The following THSD7B variants were observed in gnomAD, a reference collection of about 807,000 sequenced individuals.
THSD7B encodes the protein thrombospondin type 1 domain containing 7B, also known as thrombospondin type-1 domain-containing protein 7B.
Under a neutral mutation model 213.6 loss-of-function variants are expected in THSD7B, and 138 were observed. That is an observed-to-expected ratio of 0.65 (90% confidence interval 0.56 to 0.74). The LOEUF (loss-of-function observed/expected upper bound fraction) is 0.74, where lower values mean the gene tolerates loss of function less well. THSD7B is among the 30% of genes least tolerant of loss of function. THSD7B has a pLI of 0.00. For missense variants in THSD7B, 1,931 were observed against 1,991.5 expected (o/e 0.97, Z 0.58); for synonymous variants, 742 against 687.0 (o/e 1.08, Z -1.25).
chr2:137,298,120 T>C (rs1683510208), intron 12 of THSD7B, among the ~76,000 whole-genome samples: 1 of 152,002 alleles, frequency 6.6e-6, no homozygotes, highest in African/African-American at 2.4e-5. Context: ...ATGCTGATGG[T>C]GATATGAACA....
chr2:137,614,786 C>G (rs1682352605), intron 17 of THSD7B, among the ~76,000 whole-genome samples: 1 of 151,982 alleles, frequency 6.6e-6, no homozygotes, highest in African/African-American at 2.4e-5. Flanking sequence ...TATCAATGGT[C>G]CAAACTTTTA....
intron 2 of THSD7B, among the ~76,000 whole-genome samples, chr2:136,892,122 G>A (rs1683871616): frequency 6.6e-6 from 1 of 152,138 alleles, no homozygotes; most frequent in South Asian, 2.1e-4. Flanking sequence ...CTCAGAGTAA[G>A]CTTCCACAGA....
intron 2 of THSD7B, among the ~76,000 whole-genome samples, chr2:136,993,220 T>C (rs1242591974): frequency 6.6e-6 from 1 of 152,242 alleles, no homozygotes; most frequent in Non-Finnish European, 1.5e-5. Flanking sequence ...TGTATCATTG[T>C]CATCATTAAT....
chr2:137,557,995 C>T (rs541404543), intron 15 of THSD7B, among the ~76,000 whole-genome samples: 2 of 152,274 alleles, frequency 1.3e-5, no homozygotes, highest in Middle Eastern at 3.4e-3. Flanking sequence ...CACATATACC[C>T]TCCCAAGACT....
chr2:137,241,497 A>T (rs1681902513), intron 9 of THSD7B, among the ~76,000 whole-genome samples: 1 of 152,248 alleles, frequency 6.6e-6, no homozygotes, highest in South Asian at 2.1e-4. Context: ...CACTAAATTA[A>T]TTATCAGCAA....
At chr2:137,037,501 G>T (rs1468215214) in intron 2 of THSD7B, among the ~76,000 whole-genome samples, 1 of 91,038 alleles carries the variant, frequency 1.1e-5, no homozygotes, top group Admixed American at 1.2e-4. Flanking sequence ...TATGAATCTA[G>T]TATATTTTTC....
intron 15 of THSD7B, among the ~76,000 whole-genome samples, chr2:137,511,847 AC>A (rs1443280555): frequency 6.6e-6 from 1 of 152,074 alleles, no homozygotes; most frequent in Admixed American, 6.5e-5. Context: ...CAACCTTTTT[AC>A]ATTTCCCTAA....
chr2:137,291,885 A>G (rs1328676445), intron 12 of THSD7B, among the ~76,000 whole-genome samples: 1 of 152,164 alleles, frequency 6.6e-6, no homozygotes, highest in East Asian at 1.9e-4. Flanking sequence ...CCTTAACTGT[A>G]GCAGAGTGGG....
At chr2:137,418,628 A>C (rs973009813) in intron 14 of THSD7B, among the ~76,000 whole-genome samples, 9 of 152,202 alleles carry the variant, frequency 5.9e-5, no homozygotes, top group African/African-American at 2.2e-4. Flanking sequence ...GATCTATTGA[A>C]AACCAGATTT....
intron 7 of THSD7B, among the ~76,000 whole-genome samples, chr2:137,179,818 T>C (rs1027788236): frequency 6.6e-6 from 1 of 152,124 alleles, no homozygotes; most frequent in African/African-American, 2.4e-5. Flanking sequence ...AGAGTCATGT[T>C]GTTCCCCTGC....
intron 5 of THSD7B, among the ~76,000 whole-genome samples, chr2:137,146,080 TCTG>T (rs1679696042): frequency 6.6e-6 from 1 of 152,076 alleles, no homozygotes; most frequent in Admixed American, 6.6e-5. Flanking sequence ...TTATAACATG[TCTG>T]CTATTTAAGC....
chr2:136,943,820 T>C (rs998474679), intron 2 of THSD7B, among the ~76,000 whole-genome samples: 3 of 152,226 alleles, frequency 2.0e-5, no homozygotes, highest in Non-Finnish European at 2.9e-5. Context: ...CATTGATCTT[T>C]TCAAAAAACC....
At chr2:137,372,485 G>T (rs933308637) in intron 12 of THSD7B, among the ~76,000 whole-genome samples, 1 of 151,744 alleles carries the variant, frequency 6.6e-6, no homozygotes, top group Non-Finnish European at 1.5e-5. Flanking sequence ...GGAGACAAAA[G>T]TTACAGGCAA....
chr2:137,368,347 T>G (rs534133082), intron 12 of THSD7B, among the ~76,000 whole-genome samples: 1 of 152,116 alleles, frequency 6.6e-6, no homozygotes, highest in South Asian at 2.1e-4. Flanking sequence ...CTTTTCTCTC[T>G]TTTTTCACTT....
intron 5 of THSD7B, among the ~76,000 whole-genome samples, chr2:137,135,389 G>A (rs144781004): frequency 2.0e-5 from 3 of 152,214 alleles, no homozygotes; most frequent in East Asian, 3.9e-4. Context: ...CTAAATATCT[G>A]CAAGTCCTTA....
At chr2:136,781,363 C>A (rs1381918242) in intron 1 of THSD7B, among the ~76,000 whole-genome samples, 2 of 150,630 alleles carry the variant, frequency 1.3e-5, no homozygotes, top group African/African-American at 2.4e-5. Flanking sequence ...CTCCTGAGCT[C>A]AAGAGATTCT....
intron 11 of THSD7B, among the ~76,000 whole-genome samples, chr2:137,272,975 T>C (rs1682781619): frequency 6.6e-6 from 1 of 150,792 alleles, no homozygotes; most frequent in South Asian, 2.1e-4. Context: ...TTACGGTTGT[T>C]ATCTGGGGGC....
intron 15 of THSD7B, among the ~76,000 whole-genome samples, chr2:137,508,089 T>C (rs1679877324): frequency 6.6e-6 from 1 of 152,232 alleles, no homozygotes; most frequent in African/African-American, 2.4e-5. Context: ...TAGCGACTGG[T>C]TTACAGTAAG....
At chr2:136,925,337 G>T (rs1594290) in intron 2 of THSD7B, among the ~76,000 whole-genome samples, 1 of 151,974 alleles carries the variant, frequency 6.6e-6, no homozygotes, top group Non-Finnish European at 1.5e-5. Flanking sequence ...TTATGTTGAG[G>T]CATTTACACT....
Sources: allele counts gnomAD v4.1 joint callset (sites outside exome capture counted in the v4.1 genomes callset), GRCh38; gene constraint gnomAD v4.1.1; transcripts MANE v1.5; gene names NCBI Gene and HGNC (gene_info 2026-07-23, HGNC 2026-07-21).